SLC4A8: variants seen among roughly 807,000 people sequenced by gnomAD.
SLC4A8 encodes the protein electroneutral sodium bicarbonate exchanger 1.
A neutral mutation model predicts 125.0 loss-of-function variants in SLC4A8; 40 were observed. That is an observed-to-expected ratio of 0.32 (90% CI 0.25 to 0.42). SLC4A8 has a LOEUF of 0.42. Among genes scored for constraint, SLC4A8 ranks in the 10% least tolerant of loss-of-function variants. The pLI is 1.00. For missense variants in SLC4A8, 863 were observed against 1,355.1 expected, an observed-to-expected ratio of 0.64 and a Z score of 5.70; for synonymous variants, 456 against 476.0, an observed-to-expected ratio of 0.96 and a Z score of 0.55.
In SLC4A8 at chr12:51,474,431, C is replaced by A; in HGVS notation, c.1994C>A (p.Ala665Asp). The change falls in exon 15 of 25, where the codon GCT becomes GAT. Residue 665 changes from alanine (A) to aspartate (D), a missense_variant. By Grantham distance (126) the Ala-to-Asp change is moderately radical. Coordinates refer to ENST00000453097, the MANE Select transcript of SLC4A8 (RefSeq NM_001039960.3). ...ATCGTGACAGCAGAAGTCCACTGGG[C>A]TAACCTGACTGTCAGTGTAAGTCTG... ...HNIVTAEVHW[A>D]NLTVSECQEM... 5.0e-6 allele frequency: 8 copies of A among 1,613,548 alleles called. No individual in the cohort carries two copies. Among genetic ancestry groups the A allele is most frequent in the African/African-American group, 1.3e-5 (1 of 75,048 alleles).
chr12:51,485,976 T>C, intron 17 of SLC4A8, 76 bp downstream of exon 17: 1 of 830,424 alleles, frequency 1.2e-6, no homozygotes. Context: ...TCAAAGGCCT[T>C]TTCATATCCT....
intron 16 of SLC4A8, chr12:51,480,742 T>C (rs1263722148): frequency 2.3e-6 from 1 of 427,628 alleles, no homozygotes; most frequent in Admixed American, 6.4e-5. Flanking sequence ...AAGAATCATG[T>C]TCAAATGACA....
chr12:51,504,722 T>G (rs964596410), intron 23 of SLC4A8, among the ~76,000 whole-genome samples: 1 of 152,236 alleles, frequency 6.6e-6, no homozygotes, highest in African/African-American at 2.4e-5. Flanking sequence ...TTGTGGCATC[T>G]GTAGTTCTGG....
At chr12:51,437,988 T>C (rs1360526145) in intron 1 of SLC4A8, among the ~76,000 whole-genome samples, 1 of 152,200 alleles carries the variant, frequency 6.6e-6, no homozygotes, top group Non-Finnish European at 1.5e-5. Context: ...TTTTAAAACG[T>C]TTAATTTTTA....
chr12:51,479,230 G>A (rs905430677), intron 16 of SLC4A8, among the ~76,000 whole-genome samples: 38 of 152,168 alleles, frequency 2.5e-4, no homozygotes, highest in African/African-American at 7.7e-4. Flanking sequence ...TGTTACTGAA[G>A]TTGCTGACTC....
At chr12:51,456,486 T>G (rs1398428569) in intron 5 of SLC4A8, among the ~76,000 whole-genome samples, 1 of 152,208 alleles carries the variant, frequency 6.6e-6, no homozygotes, top group Non-Finnish European at 1.5e-5. Flanking sequence ...GTACCTAATA[T>G]GTTCATAATA....
At chr12:51,467,126 C>G (rs1480728550) in intron 11 of SLC4A8, among the ~76,000 whole-genome samples, 3 of 152,064 alleles carry the variant, frequency 2.0e-5, no homozygotes, top group African/African-American at 7.2e-5. Context: ...GAGTCTTGCC[C>G]CAGATAAATT....
At chr12:51,432,709 G>C (rs974938836) in intron 1 of SLC4A8, among the ~76,000 whole-genome samples, 1 of 152,078 alleles carries the variant, frequency 6.6e-6, no homozygotes, top group Non-Finnish European at 1.5e-5. Context: ...GTGACAGAGC[G>C]AGACTCTGTC....
intron 6 of SLC4A8, among the ~76,000 whole-genome samples, chr12:51,458,183 T>G (rs541200725): frequency 6.6e-6 from 1 of 152,302 alleles, no homozygotes; most frequent in East Asian, 1.9e-4. Flanking sequence ...TCATCTACAT[T>G]TATTTCCTGG....
intron 5 of SLC4A8, among the ~76,000 whole-genome samples, chr12:51,457,122 A>C (rs1950172994): frequency 6.6e-6 from 1 of 152,204 alleles, no homozygotes; most frequent in African/African-American, 2.4e-5. Context: ...CTAGTGCTCA[A>C]TAGTTTCTAT....
intron 1 of SLC4A8, chr12:51,402,960 TC>T (rs1322117987): frequency 5.1e-5 from 16 of 313,854 alleles, no homozygotes; most frequent in South Asian, 1.4e-4. Context: ...CCTGATAGAA[TC>T]CCCCCCAGTG....
intron 2 of SLC4A8, chr12:51,441,173 A>G: frequency 1.0e-6 from 1 of 985,940 alleles, no homozygotes; most frequent in Non-Finnish European, 1.2e-6. Context: ...ATAGTTTTAA[A>G]AACTCATTTT....
intron 16 of SLC4A8, among the ~76,000 whole-genome samples, chr12:51,484,464 A>G (rs921161355): frequency 6.6e-6 from 1 of 152,204 alleles, no homozygotes; most frequent in Non-Finnish European, 1.5e-5. Context: ...GAAAAGGGCC[A>G]CTGGGCCCCA....
chr12:51,475,468 A>T (rs1950830812), intron 16 of SLC4A8, among the ~76,000 whole-genome samples: 1 of 152,212 alleles, frequency 6.6e-6, no homozygotes, highest in African/African-American at 2.4e-5. Context: ...TTTAAAAGTT[A>T]TTAAGTCTTA....
intron 2 of SLC4A8, among the ~76,000 whole-genome samples, chr12:51,444,007 AT>A (rs779665283): frequency 6.6e-5 from 10 of 152,160 alleles, no homozygotes; most frequent in Non-Finnish European, 1.2e-4. Flanking sequence ...CTTTCCCATA[AT>A]TTTTACTAAA....
chr12:51,420,248 A>T (rs1281344099), upstream of SLC4A8: 1 of 152,190 alleles, frequency 6.6e-6, no homozygotes, highest in Non-Finnish European at 1.5e-5. Flanking sequence ...ATCAGGTATA[A>T]GACACAGCTG....
intron 3 of SLC4A8, among the ~76,000 whole-genome samples, chr12:51,451,918 T>G (rs79706525): frequency 0.01 from 1,582 of 152,340 alleles, 30 homozygotes; most frequent in African/African-American, 0.036. Context: ...TCTCGTGGGT[T>G]TTCTTCAAGT....
chr12:51,440,505 T>C (rs1949561081), intron 1 of SLC4A8, among the ~76,000 whole-genome samples: 1 of 151,806 alleles, frequency 6.6e-6, no homozygotes, highest in Non-Finnish European at 1.5e-5. Flanking sequence ...GTTCTCTGAG[T>C]GTCAGTCTGC....
At chr12:51,420,252 A>G (rs6580834), upstream of SLC4A8, 141,106 of 152,214 alleles carry the variant, frequency 0.93, 65,468 homozygotes, top group Non-Finnish European at 0.95. Flanking sequence ...GGTATAAGAC[A>G]CAGCTGGAAA....
Sources: gnomAD v4.1 joint callset for allele counts (sites outside exome capture counted in the v4.1 genomes callset) on GRCh38, gnomAD v4.1.1 for gene constraint, MANE v1.5 for transcripts, NCBI Gene and HGNC (gene_info 2026-07-23, HGNC 2026-07-21) for gene names.